The following HMCN2 variants were observed in gnomAD, a reference collection of about 807,000 sequenced individuals.
HMCN2 encodes the protein hemicentin 2, also known as hemicentin-2.
HMCN2 carries 325 observed loss-of-function variants against 377.5 expected under a neutral mutation model. That is an observed-to-expected ratio of 0.86 (90% CI 0.79 to 0.94). HMCN2 has a LOEUF of 0.94. Ranked by LOEUF, HMCN2 falls within the 40% of genes least tolerant of loss-of-function variation. HMCN2 has a pLI of 0.00. For synonymous variants in HMCN2, 2,007 were observed against 2,046.8 expected, an observed-to-expected ratio of 0.98 and a Z score of 0.53; for missense variants, 4,543 against 4,725.3, an observed-to-expected ratio of 0.96 and a Z score of 1.13.
intron 75 of HMCN2, 74 bp downstream of exon 75, chr9:130,398,781 G>T: frequency 5.0e-6 from 6 of 1,211,828 alleles, no homozygotes; most frequent in Non-Finnish European, 6.5e-6. Context: ...ACGGGGGCAT[G>T]GGGCAGGGAC....
intron 15 of HMCN2, among the ~76,000 whole-genome samples, chr9:130,315,442 G>A (rs981743491): frequency 7.7e-6 from 1 of 129,370 alleles, no homozygotes; most frequent in African/African-American, 3.0e-5. Context: ...AGCTTGGAGG[G>A]ATGGCCCTGC....
intron 31 of HMCN2, among the ~76,000 whole-genome samples, chr9:130,354,296 C>T (rs1839901434): frequency 6.6e-6 from 1 of 152,138 alleles, no homozygotes. Flanking sequence ...TCCCCTTGGC[C>T]ATCGCTGGCT....
intron 61 of HMCN2, among the ~76,000 whole-genome samples, chr9:130,387,417 C>T (rs1842081257): frequency 6.6e-6 from 1 of 152,180 alleles, no homozygotes; most frequent in Non-Finnish European, 1.5e-5. Flanking sequence ...TGTTGATCTT[C>T]CATTTCTTAG....
At chr9:130,288,206 G>T (rs1229717185) in intron 4 of HMCN2, among the ~76,000 whole-genome samples, 1 of 152,168 alleles carries the variant, frequency 6.6e-6, no homozygotes, top group Non-Finnish European at 1.5e-5. Context: ...CAGGTGTGAG[G>T]CTGGGCTGTC....
intron 16 of HMCN2, among the ~76,000 whole-genome samples, chr9:130,320,099 C>T (rs1837767147): frequency 6.6e-6 from 1 of 152,236 alleles, no homozygotes; most frequent in Non-Finnish European, 1.5e-5. Context: ...TTTGTCAACC[C>T]TGCCCCATCA....
At chr9:130,359,823 C>CCT (rs1840263971) in intron 37 of HMCN2, among the ~76,000 whole-genome samples, 1 of 152,104 alleles carries the variant, frequency 6.6e-6, no homozygotes, top group Admixed American at 6.5e-5. Context: ...AGGAGGAAGG[C>CCT]CTCTCTCCTG....
chr9:130,301,617 G>A (rs1001803133), intron 8 of HMCN2, among the ~76,000 whole-genome samples: 8 of 152,220 alleles, frequency 5.3e-5, no homozygotes, highest in Non-Finnish European at 1.0e-4. Context: ...AGCCGAGGAC[G>A]TGGCTGGATG....
chr9:130,278,028 G>GATC (rs60157508), intron 1 of HMCN2, among the ~76,000 whole-genome samples: 3 of 4,882 alleles, frequency 6.1e-4, no homozygotes, highest in Non-Finnish European at 6.3e-4. Context: ...CCACCACCAC[G>GATC]ATCATCACCA....
intron 8 of HMCN2, among the ~76,000 whole-genome samples, chr9:130,300,908 C>G (rs2131333380): frequency 6.6e-6 from 1 of 152,376 alleles, no homozygotes; most frequent in South Asian, 2.1e-4. Context: ...TCCTTGCTGG[C>G]TTCATTGCCT....
chr9:130,311,970 C>T (rs1460730758), intron 15 of HMCN2, among the ~76,000 whole-genome samples: 3 of 152,190 alleles, frequency 2.0e-5, no homozygotes, highest in Non-Finnish European at 2.9e-5. Context: ...CACGGAAACA[C>T]GAGCCGGCGC....
chr9:130,381,372 G>T (rs1841711477), intron 54 of HMCN2, among the ~76,000 whole-genome samples: 1 of 151,294 alleles, frequency 6.6e-6, no homozygotes, highest in South Asian at 2.1e-4. Context: ...GCCTTGGATG[G>T]CTCTTTTTTT....
Position 130,362,039 on chromosome 9 carries a change from G to A in HMCN2, c.5982G>A (p.Leu1994=). 2.0e-6 allele frequency: 2 copies of A among 986,110 alleles called. No individual in the cohort carries two copies. The highest frequency in any genetic ancestry group is 1.7e-5 in the African/African-American group (1 of 57,368). The allele number at this position is 986,110 out of a possible 1,614,324, so 61.1% of individuals were successfully genotyped here. The change falls in exon 39 of 98, where the codon CTG becomes CTA. Residue 1994 remains leucine, a synonymous_variant. Coordinates refer to ENST00000683500, the MANE Select transcript of HMCN2 (RefSeq NM_001291815.2). ...CTCGAATCACACTGCCACCCAGCCTGCCAGGCCCTGTGTTGGTCAACACCC... is the reference window on the plus strand; with the variant it reads ...CTCGAATCACACTGCCACCCAGCCTACCAGGCCCTGTGTTGGTCAACACCC... ...VPPRITLPPS[L]PGPVLVNTPV...
At chr9:130,418,463 C>T (rs893429852) in intron 85 of HMCN2, among the ~76,000 whole-genome samples, 2 of 152,118 alleles carry the variant, frequency 1.3e-5, no homozygotes, top group Non-Finnish European at 2.9e-5. Context: ...GGGAGGATCG[C>T]TTGAACCCAG....
intron 36 of HMCN2, 41 bp downstream of exon 36, chr9:130,358,527 T>C: frequency 4.6e-6 from 6 of 1,304,200 alleles, no homozygotes; most frequent in Non-Finnish European, 6.1e-6. Flanking sequence ...GCCAGCATGT[T>C]GGGTGATCCC....
chr9:130,276,363 G>A (rs72761239), intron 1 of HMCN2, among the ~76,000 whole-genome samples: 9,659 of 140,668 alleles, frequency 0.069, 373 homozygotes, highest in Middle Eastern at 0.12. Context: ...AGGGAGTGAC[G>A]TTGAAGCTGA....
chr9:130,365,607 T>G, intron 41 of HMCN2, 24 bp from the exon 42 acceptor site: 2 of 975,460 alleles, frequency 2.1e-6, no homozygotes, highest in South Asian at 9.5e-5. Context: ...TCCCCTCCCA[T>G]GGGGTGTCTT....
At position 130,403,862 on chromosome 9, in the gene HMCN2, G is replaced by A. The variant is rs1017310911; in HGVS notation, c.12135G>A (p.Arg4045=). 7.8e-7 allele frequency: 1 copy of A among 1,289,498 alleles called. No individual in the cohort carries two copies. Among genetic ancestry groups the A allele is most frequent in the Non-Finnish European group, 1.0e-6 (1 of 988,612 alleles). The allele number at this position is 1,289,498 out of a possible 1,614,324, so 79.9% of individuals were successfully genotyped here. The change falls in exon 80 of 98, where the codon CGG becomes CGA. Residue 4045 remains arginine, a synonymous_variant. Transcript: ENST00000683500. Reference sequence around the variant, plus strand: ...CGGGCAGTGCCATGGGGAAGACGCGGCTGGTGGTGCAAGGTGGGAGTGAGG... The same window carrying A: ...CGGGCAGTGCCATGGGGAAGACGCGACTGGTGGTGCAAGGTGGGAGTGAGG... The part of the protein sequence containing the change: ...NSAGSAMGKT[R]LVVQVPPVIE...
Position 130,384,732 on chromosome 9 carries a change from A to T in HMCN2, c.9040A>T (p.Met3014Leu). Residue 3014 changes from methionine (M) to leucine (L), a missense_variant, in exon 59 of 98, where the codon ATG (methionine) becomes TTG (leucine). Met to Leu is a conservative substitution (Grantham distance 15, BLOSUM62 2). This residue lies in a region of HMCN2 where 736 missense variants were observed against 773.2 expected (regional missense o/e 0.95). Transcript: ENST00000683500. ...LGRARLSDSG[M>L]YTCEALNAAG... Reference sequence around the variant, plus strand: ...GAGAGCACGGCTGTCGGACTCCGGGATGTACACATGCGAAGCCCTCAATGC... The same window carrying T: ...GAGAGCACGGCTGTCGGACTCCGGGTTGTACACATGCGAAGCCCTCAATGC... The T allele has an allele frequency of 7.7e-7, 1 of 1,302,832 alleles. No homozygotes were observed. The highest frequency in any genetic ancestry group is 1.0e-6 in the Non-Finnish European group (1 of 988,922). 80.7% of individuals were successfully genotyped at this position (1,302,832 alleles called of 1,614,324 possible). A position where few individuals can be genotyped will look rare whatever the true frequency, so the allele number is the denominator to read the frequency against.
chr9:130,309,529 A>G lies in HMCN2; in HGVS notation c.2201-383A>G, dbSNP rs530042486. The stretch of plus-strand genomic sequence containing the variant: ...GACTCTGTCTCAAAAAAAAAAAAAA[A>G]AAAAAAAAGGAAAAAAAAGAAAAAT... On this transcript the variant is annotated intron_variant, in intron 14 of 97. Coordinates refer to ENST00000683500, the MANE Select transcript of HMCN2 (RefSeq NM_001291815.2). 9.3e-5 allele frequency among the ~76,000 whole-genome samples: 14 copies of G among 151,298 alleles called. No individual in the cohort carries two copies. The South Asian group carries it at 2.3e-3, about 25-fold the overall frequency.
Sources: gnomAD v4.1 joint callset for allele counts (sites outside exome capture counted in the v4.1 genomes callset) on GRCh38, gnomAD v4.1.1 for gene constraint, gnomAD v4.1.1 regional missense constraint, MANE v1.5 for transcripts, NCBI Gene and HGNC (gene_info 2026-07-23, HGNC 2026-07-21) for gene names.